CCDC144A: variants seen among roughly 807,000 people sequenced by gnomAD.
CCDC144A encodes coiled-coil domain containing 144A.
A neutral mutation model predicts 143.8 loss-of-function variants in CCDC144A; 41 were observed. The ratio of observed to expected loss-of-function variants is 0.29; its 90% CI spans 0.22 to 0.37. The LOEUF is 0.37. Among genes scored for constraint, CCDC144A ranks in the 10% least tolerant of loss-of-function variants. The pLI, the probability that CCDC144A is intolerant of heterozygous loss-of-function variation, is 1.00. For missense variants in CCDC144A, 637 were observed against 1,488.8 expected (o/e 0.43, Z 9.41); for synonymous variants, 242 against 517.9 (o/e 0.47, Z 7.23).
chr17:16,675,603 C>G, the CCDC144A span, among the ~76,000 whole-genome samples: 2 of 151,690 alleles, frequency 1.3e-5, no homozygotes, highest in East Asian at 3.9e-4. Context: ...TAAATGTATA[C>G]TCAAAGAAAG....
chr17:16,715,935 G>T (rs1484679217), intron 6 of CCDC144A, among the ~76,000 whole-genome samples: 2 of 152,208 alleles, frequency 1.3e-5, no homozygotes, highest in African/African-American at 2.4e-5. Context: ...GATATTGGTT[G>T]GTGAGAGAGG....
At chr17:16,773,129 A>G (rs2143419675) in intron 16 of CCDC144A, among the ~76,000 whole-genome samples, 1 of 151,948 alleles carries the variant, frequency 6.6e-6, no homozygotes, top group South Asian at 2.1e-4. Context: ...ACTGATTTGC[A>G]CTTAGTTAAC....
At chr17:16,729,626 G>C (rs1008988206) in intron 9 of CCDC144A, among the ~76,000 whole-genome samples, 1 of 151,872 alleles carries the variant, frequency 6.6e-6, no homozygotes, top group African/African-American at 2.4e-5. Flanking sequence ...CGTGATCTCG[G>C]CTCATGGCTA....
chr17:16,731,279 A>G (rs368079244), intron 9 of CCDC144A: 1 of 158,094 alleles, frequency 6.3e-6, no homozygotes, highest in Non-Finnish European at 1.4e-5. Context: ...GTCTTGGATT[A>G]TAGTAATCTG....
the CCDC144A span, among the ~76,000 whole-genome samples, chr17:16,678,022 T>C: frequency 6.6e-6 from 1 of 152,016 alleles, no homozygotes; most frequent in Admixed American, 6.6e-5. Flanking sequence ...TTTCCCACAC[T>C]CTACTCAGAA....
the CCDC144A span, among the ~76,000 whole-genome samples, chr17:16,680,439 C>T: frequency 6.6e-6 from 1 of 151,880 alleles, no homozygotes; most frequent in Non-Finnish European, 1.5e-5. Context: ...ATTGGTTACA[C>T]TGAAATTTGG....
chr17:16,684,278 C>G, the CCDC144A span: 1 of 802,764 alleles, frequency 1.2e-6, no homozygotes, highest in Non-Finnish European at 2.3e-6. Flanking sequence ...ACCAAATAAG[C>G]TAAGTTTACT....
At chr17:16,704,723 TA>T (rs1443777818) in intron 2 of CCDC144A, among the ~76,000 whole-genome samples, 2 of 152,150 alleles carry the variant, frequency 1.3e-5, no homozygotes, top group Admixed American at 1.3e-4. Context: ...TCATTATAAT[TA>T]AAATAGTTTT....
chr17:16,746,271 C>CAT, intron 12 of CCDC144A: 2 of 778,988 alleles, frequency 2.6e-6, no homozygotes, highest in Non-Finnish European at 3.7e-6. Flanking sequence ...CTCTCTCTCT[C>CAT]TTTTTTTTTT....
chr17:16,708,739 G>A, intron 4 of CCDC144A, 57 bp from the exon 5 acceptor site: 1 of 1,609,932 alleles, frequency 6.2e-7, no homozygotes, highest in Non-Finnish European at 8.5e-7. Flanking sequence ...TAGCCCAACA[G>A]AGAAGACACC....
In CCDC144A at chr17:16,719,066, G is replaced by A. The variant is rs1374925424; in HGVS notation, c.1716-1132G>A. ...AAGCTGGTCTTGAACTCCTGACCTC[G>A]TGATCCATCCACCTCGGCCTCCCAA... is the stretch of plus-strand genomic sequence containing the variant. On this transcript the variant is annotated intron_variant, in intron 6 of 16. Coordinates refer to ENST00000399273, the MANE Select transcript of CCDC144A (RefSeq NM_001382000.1). Among the ~76,000 whole-genome samples, 10 of 150,862 alleles carry A rather than the reference G, an allele frequency of 6.6e-5. No homozygotes were observed. The East Asian group carries it at 9.7e-4, about 15-fold the overall frequency.
chr17:16,676,214 T>C, the CCDC144A span, among the ~76,000 whole-genome samples: 1 of 151,246 alleles, frequency 6.6e-6, no homozygotes, highest in Admixed American at 6.6e-5. Context: ...GAAATAAGAG[T>C]GTATAATAGT....
chr17:16,693,085 C>T (rs1911182478), intron 2 of CCDC144A, 36 bp downstream of exon 2: 1 of 1,564,054 alleles, frequency 6.4e-7, no homozygotes, highest in Admixed American at 2.2e-5. Context: ...TTTGGTGGTC[C>T]TACCATAGGT....
At chr17:16,711,136 G>GAAAAAA (rs1210697273) in intron 5 of CCDC144A, among the ~76,000 whole-genome samples, 1,397 of 21,678 alleles carry the variant, frequency 0.064, 208 homozygotes, top group African/African-American at 0.19. Context: ...GGATTCAAAT[G>GAAAAAA]AAAAAAAAAA....
At position 16,777,789 on chromosome 17, in the gene CCDC144A, T is replaced by G. The variant is rs1309358828; in HGVS notation, c.*4156T>G. On this transcript the variant is annotated 3_prime_UTR_variant, in exon 17 of 17. Transcript: ENST00000399273. ...AAGAGCACAAATAAACAATCTAAGG[T>G]CACACCTCACAGAATTGGAGAAACT... 7.1e-6 allele frequency: 1 copy of G among 140,398 alleles called. No homozygotes were observed. The highest frequency in any genetic ancestry group is 1.5e-5 in the Non-Finnish European group (1 of 66,524). The allele number at this position is 140,398 out of a possible 1,614,324, so 8.7% of individuals were successfully genotyped here. A position where few individuals can be genotyped will look rare whatever the true frequency, so the allele number is the denominator to read the frequency against.
At chr17:16,688,491 T>G (rs1188681332), upstream of CCDC144A, among the ~76,000 whole-genome samples, 1 of 123,920 alleles carries the variant, frequency 8.1e-6, no homozygotes, top group African/African-American at 3.8e-5. Flanking sequence ...TCTGTTTTTT[T>G]TTTTTTTTTT....
At chr17:16,692,232 G>T (rs1911133232) in intron 1 of CCDC144A, among the ~76,000 whole-genome samples, 1 of 150,426 alleles carries the variant, frequency 6.6e-6, no homozygotes, top group East Asian at 1.9e-4. Flanking sequence ...CAGAGTTTGA[G>T]TCTGTATGGA....
the CCDC144A span, among the ~76,000 whole-genome samples, chr17:16,678,923 T>A: frequency 6.6e-6 from 1 of 151,838 alleles, no homozygotes; most frequent in Non-Finnish European, 1.5e-5. Flanking sequence ...CCCGGCTAAT[T>A]TTGTATTTTT....
rs1911048805 is a variant in CCDC144A at position 16,691,187 on chromosome 17, C to G, written c.344+443C>G. Among the ~76,000 whole-genome samples, 4 of 152,054 alleles carry G rather than the reference C, an allele frequency of 2.6e-5. No homozygotes were observed. The South Asian group carries it at 8.3e-4, about 32-fold the overall frequency. On this transcript the variant is annotated intron_variant, in intron 1 of 16. Coordinates refer to ENST00000399273, the MANE Select transcript of CCDC144A (RefSeq NM_001382000.1). The stretch of plus-strand genomic sequence containing the variant: ...ACATGGTGAAACCCCGCCTGTTATG[C>G]TTTTGTCTCAGCCTAGACTTAGCTA...
Sources: allele counts gnomAD v4.1 joint callset (sites outside exome capture counted in the v4.1 genomes callset), GRCh38; gene constraint gnomAD v4.1.1; transcripts MANE v1.5; gene names NCBI Gene and HGNC (gene_info 2026-07-23, HGNC 2026-07-21).